The following AQR variants were observed in gnomAD, a reference collection of about 807,000 sequenced individuals.
AQR encodes the protein aquarius intron-binding spliceosomal factor, also known as RNA helicase aquarius.
AQR carries 61 observed loss-of-function variants against 180.5 expected under a neutral mutation model. That is an observed-to-expected ratio of 0.34 (90% CI 0.28 to 0.42). AQR has a LOEUF of 0.42. Ranked by LOEUF, AQR falls within the 10% of genes least tolerant of loss-of-function variation. The pLI, the probability that AQR is intolerant of heterozygous loss-of-function variation, is 1.00. For synonymous variants in AQR, 551 were observed against 588.8 expected (o/e 0.94, Z 0.93); for missense variants, 1,281 against 1,798.3 (o/e 0.71, Z 5.20).
intron 21 of AQR, 121 bp downstream of exon 21, chr15:34,897,438 G>C (rs949264481): frequency 9.8e-6 from 11 of 1,127,518 alleles, no homozygotes; most frequent in African/African-American, 7.8e-5. Context: ...AAAGAAAGAG[G>C]GTTCAGAAAC....
In AQR at chr15:34,954,149, T is replaced by G. The variant is rs185145925; in HGVS notation, c.174-1229A>C. Among the ~76,000 whole-genome samples the G allele has an allele frequency of 1.6e-3, 247 of 152,256 alleles. 1 individual carries two copies. The highest frequency in any genetic ancestry group is 5.8e-3 in the African/African-American group (240 of 41,536). ...CCAGGTTGGTCTCGAACTCCTGAGC[T>G]CAGGTGATCCACCCACCTCAGCCTC... On this transcript the variant is annotated intron_variant, in intron 3 of 34. Coordinates refer to ENST00000156471, the MANE Select transcript of AQR (RefSeq NM_014691.3).
At chr15:34,890,160 T>C (rs1893121434) in intron 24 of AQR, 55 bp downstream of exon 24, 1 of 1,443,708 alleles carries the variant, frequency 6.9e-7, no homozygotes, top group Non-Finnish European at 9.5e-7. Context: ...ATAAAAGAAA[T>C]GAAAAGAAAA....
chr15:34,867,683 C>A (rs1428017524), intron 31 of AQR, 74 bp from the exon 32 acceptor site: 2 of 1,030,066 alleles, frequency 1.9e-6, no homozygotes, highest in African/African-American at 3.2e-5. Context: ...AAATAATGTG[C>A]TAGGAACAAA....
chr15:34,969,734 G>C lies in AQR; in HGVS notation c.-121C>G. On this transcript the variant is annotated 5_prime_UTR_variant, in exon 1 of 35. Coordinates refer to ENST00000156471, the MANE Select transcript of AQR (RefSeq NM_014691.3). ...TAACTCCGCGCCGCACAAACGCTCC[G>C]GGCCGGATATCCTCAGCCTTCAGAG... is the stretch of plus-strand genomic sequence containing the variant. 1 of 975,100 alleles carries C rather than the reference G, an allele frequency of 1.0e-6. No individual in the cohort carries two copies. Among genetic ancestry groups the C allele is most frequent in the Non-Finnish European group, 1.5e-6 (1 of 671,956 alleles). The allele number at this position is 975,100 out of a possible 1,614,324, so 60.4% of individuals were successfully genotyped here. A position where few individuals can be genotyped will look rare whatever the true frequency, so the allele number is the denominator to read the frequency against.
At chr15:34,876,036 C>T in intron 27 of AQR, 30 bp from the exon 28 acceptor site, 1 of 1,565,578 alleles carries the variant, frequency 6.4e-7, no homozygotes, top group Non-Finnish European at 8.8e-7. Flanking sequence ...GTCATAAAGA[C>T]AGCTTAAAAG....
In AQR at chr15:34,920,539, C is replaced by T. The variant is rs1231138381; in HGVS notation, c.1119-105G>A. Reference sequence around the variant, plus strand: ...TAAAAAAGCAAATATAATACTATGACATGGGCAGCAAATATCAAAAACCAG... The same window carrying T: ...TAAAAAAGCAAATATAATACTATGATATGGGCAGCAAATATCAAAAACCAG... On this transcript the variant is annotated intron_variant, in intron 13 of 34. Transcript: ENST00000156471. 3.8e-6 allele frequency: 3 copies of T among 783,580 alleles called. No homozygotes were observed. The African/African-American group carries it at 5.3e-5, about 14-fold the overall frequency. The allele number at this position is 783,580 out of a possible 1,614,324, so 48.5% of individuals were successfully genotyped here.
intron 20 of AQR, among the ~76,000 whole-genome samples, chr15:34,898,182 A>G (rs12901028): frequency 0.61 from 92,621 of 152,028 alleles, 30,566 homozygotes; most frequent in South Asian, 0.75. Flanking sequence ...AAGAGACAGA[A>G]GCCTTGTTAT....
intron 26 of AQR, among the ~76,000 whole-genome samples, 157 bp from the exon 27 acceptor site, chr15:34,882,796 T>C (rs1264678863): frequency 6.6e-6 from 1 of 152,228 alleles, no homozygotes; most frequent in Non-Finnish European, 1.5e-5. Context: ...ATTTCGGTAC[T>C]AATTGAGTTT....
intron 30 of AQR, among the ~76,000 whole-genome samples, 163 bp downstream of exon 30, chr15:34,873,665 C>T (rs1406056576): frequency 6.6e-6 from 1 of 152,016 alleles, no homozygotes; most frequent in Admixed American, 6.6e-5. Context: ...TTCTTTAGTG[C>T]ATGTATTTTT....
At chr15:34,864,095 A>C (rs1289815136) in intron 32 of AQR, among the ~76,000 whole-genome samples, 1 of 152,148 alleles carries the variant, frequency 6.6e-6, no homozygotes, top group African/African-American at 2.4e-5. Context: ...AGGAATTGGA[A>C]TATTTATCTA....
chr15:34,931,546 G>A (rs541732273), intron 11 of AQR, among the ~76,000 whole-genome samples: 2 of 152,216 alleles, frequency 1.3e-5, no homozygotes, highest in East Asian at 1.9e-4. Flanking sequence ...AGTGGTTCAC[G>A]CCTGTAATCC....
chr15:34,908,157 TA>T (rs1893446482), intron 17 of AQR, among the ~76,000 whole-genome samples: 1 of 152,202 alleles, frequency 6.6e-6, no homozygotes, highest in Non-Finnish European at 1.5e-5. Flanking sequence ...TTTACTTTTA[TA>T]AAACAATATT....
intron 30 of AQR, among the ~76,000 whole-genome samples, chr15:34,872,422 A>G (rs1892832277): frequency 6.6e-6 from 1 of 152,160 alleles, no homozygotes; most frequent in African/African-American, 2.4e-5. Flanking sequence ...AGTTAGGCTT[A>G]ATGAATAAGA....
In AQR at chr15:34,874,674, T is replaced by C; in HGVS notation, c.3425+3A>G. 6.2e-7 allele frequency: 1 copy of C among 1,612,662 alleles called. No individual in the cohort carries two copies. The highest frequency in any genetic ancestry group is 8.5e-7 in the Non-Finnish European group (1 of 1,179,386). ...GAATGATTTTTTTTCCTGTCTCTTTTACCTTGCTCTGGCTCTCCCTTGAGC... is the reference window on the plus strand; with the variant it reads ...GAATGATTTTTTTTCCTGTCTCTTTCACCTTGCTCTGGCTCTCCCTTGAGC... On this transcript the variant is annotated splice_donor_region_variant and intron_variant, in intron 29 of 34. Transcript: ENST00000156471.
At chr15:34,880,258 ACCT>A (rs1892951340) in intron 27 of AQR, among the ~76,000 whole-genome samples, 1 of 152,198 alleles carries the variant, frequency 6.6e-6, no homozygotes, top group Non-Finnish European at 1.5e-5. Context: ...TAAAAATATT[ACCT>A]CCTATGCATC....
At chr15:34,918,887 T>G (rs1893639368) in intron 14 of AQR, among the ~76,000 whole-genome samples, 3 of 152,124 alleles carry the variant, frequency 2.0e-5, no homozygotes, top group Non-Finnish European at 4.4e-5. Context: ...TCACTCTATG[T>G]TCCTTTCCAT....
At chr15:34,878,941 T>C (rs1010766103) in intron 27 of AQR, among the ~76,000 whole-genome samples, 4 of 151,490 alleles carry the variant, frequency 2.6e-5, no homozygotes, top group African/African-American at 4.9e-5. Context: ...GGCAGGAGAA[T>C]CACTTGAACC....
At chr15:34,871,554 T>TTAA (rs934626206) in intron 30 of AQR, among the ~76,000 whole-genome samples, 3 of 151,568 alleles carry the variant, frequency 2.0e-5, no homozygotes, top group African/African-American at 7.2e-5. Context: ...CAACTGTAGT[T>TTAA]ACACAGACAC....
chr15:34,893,139 T>A (rs907932332), intron 23 of AQR, among the ~76,000 whole-genome samples: 15 of 152,174 alleles, frequency 9.9e-5, no homozygotes, highest in African/African-American at 3.4e-4. Flanking sequence ...ACAAAAAGTT[T>A]TCTCAGCAAG....
Sources: gnomAD v4.1 joint callset for allele counts (sites outside exome capture counted in the v4.1 genomes callset) on GRCh38, gnomAD v4.1.1 for gene constraint, MANE v1.5 for transcripts, NCBI Gene and HGNC (gene_info 2026-07-23, HGNC 2026-07-21) for gene names.